Variants in MYH2 observed in about 807,000 individuals in gnomAD.
MYH2 encodes the protein myosin-2.
A neutral mutation model predicts 228.1 loss-of-function variants in MYH2; 139 were observed. The ratio of observed to expected loss-of-function variants is 0.61; its 90% CI spans 0.53 to 0.70. The LOEUF (loss-of-function observed/expected upper bound fraction) is 0.70, where lower values mean the gene tolerates loss of function less well. MYH2 is among the 30% of genes least tolerant of loss of function. The pLI, the probability that MYH2 is intolerant of heterozygous loss-of-function variation, is 0.00. For missense variants in MYH2, 1,809 were observed against 2,357.5 expected (o/e 0.77, Z 4.82); for synonymous variants, 796 against 871.1 (o/e 0.91, Z 1.52).
intron 5 of MYH2, among the ~76,000 whole-genome samples, 196 bp from the exon 6 acceptor site, chr17:10,544,323 T>C (rs2073598090): frequency 6.6e-6 from 1 of 152,166 alleles, no homozygotes; most frequent in Non-Finnish European, 1.5e-5. Flanking sequence ...CACCACTACT[T>C]TTATTGGTTT....
At position 10,537,757 on chromosome 17, in the gene MYH2, G is replaced by A. The variant is rs770838005; in HGVS notation, c.1495C>T (p.Leu499=). 6.8e-6 allele frequency: 11 copies of A among 1,614,168 alleles called. No individual in the cohort carries two copies. Among genetic ancestry groups the A allele is most frequent in the Non-Finnish European group, 9.3e-6 (11 of 1,180,040 alleles). The stretch of plus-strand genomic sequence containing the variant: ...TCCTTCTTGTACTCCTCCTGCTCCA[G>A]CACGAACATGTGGTGGTTGAAAAAC... ...QQFFNHHMFV[L]EQEEYKKEGI... The change falls in exon 15 of 40, where the codon CTG becomes TTG. Residue 499 remains leucine, a synonymous_variant. Coordinates refer to ENST00000245503, the MANE Select transcript of MYH2 (RefSeq NM_017534.6). The surrounding 1 kb of genome is among the most constrained non-coding windows in gnomAD (Gnocchi z 4.0).
chr17:10,533,144 G>T, intron 21 of MYH2, 141 bp downstream of exon 21: 1 of 1,262,750 alleles, frequency 7.9e-7, no homozygotes. Flanking sequence ...TAAGTTTTCT[G>T]GTACATGTGT....
Position 10,537,665 on chromosome 17 carries a change from C to G in MYH2, c.1587G>C (p.Lys529Asn). Residue 529 changes from lysine to asparagine, a missense_variant and splice_region_variant, in exon 15 of 40, where the codon AAG becomes AAC. Transcript: ENST00000245503. The surrounding 1 kb of genome is among the most constrained non-coding windows in gnomAD (Gnocchi z 4.0). The stretch of plus-strand genomic sequence containing the variant: ...ATGGTTTCAGAAATGCAAAACCAAC[C>G]TTCTCGATGAGCTCGATGCAGGCAG... ...DLAACIELIE[K>N]PMGIFSILEE... The G allele has an allele frequency of 6.2e-7, 1 of 1,614,142 alleles. No homozygotes were observed. Among genetic ancestry groups the G allele is most frequent in the Non-Finnish European group, 8.5e-7 (1 of 1,180,022 alleles).
At chr17:10,530,428 G>A (rs183697255) in intron 22 of MYH2, among the ~76,000 whole-genome samples, 2 of 152,356 alleles carry the variant, frequency 1.3e-5, no homozygotes, top group East Asian at 3.9e-4. Context: ...GGCCTTGAGA[G>A]AGGGGTAGGA....
intron 17 of MYH2, among the ~76,000 whole-genome samples, chr17:10,536,288 AC>A (rs985264000): frequency 2.0e-5 from 3 of 152,288 alleles, no homozygotes. Flanking sequence ...GTAACCCAAC[AC>A]CACCTGTTCC....
intron 2 of MYH2, 65 bp from the exon 3 acceptor site, chr17:10,548,005 A>G: frequency 7.4e-7 from 1 of 1,357,956 alleles, no homozygotes. Context: ...AAATCTTAAT[A>G]TTTATTGTAT....
chr17:10,531,759 G>T lies in MYH2; in HGVS notation c.2571C>A (p.Thr857=). ...KSAETEKEMA[T]MKEEFQKIKD... ...TAATTTTCTGAAATTCTTCCTTCAT[G>T]GTGGCCATCTCCTTCTCAGTTTCTG... The change falls in exon 22 of 40, where the codon ACC becomes ACA. Residue 857 remains threonine, a synonymous_variant. Transcript: ENST00000245503. The T allele has an allele frequency of 1.9e-6, 3 of 1,614,080 alleles. No individual in the cohort carries two copies. The highest frequency in any genetic ancestry group is 2.5e-6 in the Non-Finnish European group (3 of 1,180,026).
chr17:10,525,053 G>T lies in MYH2; in HGVS notation c.4675C>A (p.His1559Asn). 1 of 1,614,080 alleles carries T rather than the reference G, an allele frequency of 6.2e-7. No homozygotes were observed. The highest frequency in any genetic ancestry group is 8.5e-7 in the Non-Finnish European group (1 of 1,180,016). ...ALEEAEASLE[H>N]EEGKILRIQL... The stretch of plus-strand genomic sequence containing the variant: ...ATGCGCAGGATCTTTCCCTCTTCAT[G>T]TTCAAGAGATGCCTTAATGACAGCA... The change falls in exon 34 of 40, where the codon CAT becomes AAT. Residue 1559 changes from histidine to asparagine, a missense_variant. By Grantham distance (68) the His-to-Asn change is moderately conservative. This residue lies in a region of MYH2 where 636 missense variants were observed against 729.9 expected (regional missense o/e 0.87). Transcript: ENST00000245503. This position sits in a 1 kb window ranked among gnomAD's most constrained non-coding sequence, Gnocchi z 4.2.
intron 3 of MYH2, 34 bp from the exon 4 acceptor site, chr17:10,547,652 T>G (rs771151947): frequency 6.2e-7 from 1 of 1,614,158 alleles, no homozygotes; most frequent in East Asian, 2.2e-5. Flanking sequence ...TTTACATTAA[T>G]TGAGTGACCA....
At chr17:10,546,579 A>C (rs2073637055) in intron 4 of MYH2, among the ~76,000 whole-genome samples, 1 of 152,010 alleles carries the variant, frequency 6.6e-6, no homozygotes, top group Non-Finnish European at 1.5e-5. Context: ...TATGTAGGAG[A>C]CAGTCATGTA....
chr17:10,537,704 G>C lies in MYH2; in HGVS notation c.1548C>G (p.Phe516Leu). 6.2e-7 allele frequency: 1 copy of C among 1,614,140 alleles called. No individual in the cohort carries two copies. The highest frequency in any genetic ancestry group is 8.5e-7 in the Non-Finnish European group (1 of 1,180,016). Residue 516 changes from phenylalanine to leucine, a missense_variant, in exon 15 of 40, where the codon TTC (phenylalanine) becomes TTG (leucine). Physicochemically the swap from Phe to Leu is conservative, Grantham distance 22. Around this residue, in one of 9 missense-constraint regions of MYH2, gnomAD observed 373 missense variants for 620.4 expected, o/e 0.60. Transcript: ENST00000245503. This position sits in a 1 kb window ranked among gnomAD's most constrained non-coding sequence, Gnocchi z 4.0. ...KEGIEWTFID[F>L]GMDLAACIEL... ...CGATGCAGGCAGCCAGGTCCATCCC[G>C]AAGTCGATGAACGTCCACTCGATGC...
intron 36 of MYH2, 32 bp from the exon 37 acceptor site, chr17:10,523,698 A>C (rs1477612654): frequency 2.5e-6 from 4 of 1,614,160 alleles, no homozygotes; most frequent in Non-Finnish European, 3.4e-6. Flanking sequence ...AAAACCAAGA[A>C]AGTTATAGAT....
chr17:10,524,877 G>T lies in MYH2; in HGVS notation c.4851C>A (p.Ala1617=). ...CCTCCATCTTCTTCTTGAGCCTAAT[G>T]GCATCATTCCTACTCCTGATCTCAG... ...LDAEIRSRND[A]IRLKKKMEGD... The change falls in exon 34 of 40, where the codon GCC becomes GCA. Residue 1617 remains alanine (A), a synonymous_variant. Coordinates refer to ENST00000245503, the MANE Select transcript of MYH2 (RefSeq NM_017534.6). This position sits in a 1 kb window ranked among gnomAD's most constrained non-coding sequence, Gnocchi z 4.7. 6.2e-7 allele frequency: 1 copy of T among 1,614,014 alleles called. No individual in the cohort carries two copies. Among genetic ancestry groups the T allele is most frequent in the African/African-American group, 1.3e-5 (1 of 74,964 alleles).
Position 10,525,601 on chromosome 17 carries a change from T to A in MYH2, c.4387A>T (p.Lys1463Ter). The change falls in exon 32 of 40, where the codon AAA (lysine) becomes TAA (stop). Residue 1463 changes from lysine to a stop codon, truncating the protein, a stop_gained. Transcript: ENST00000245503. LOFTEE classifies it high-confidence loss of function. The surrounding 1 kb of genome is among the most constrained non-coding windows in gnomAD (Gnocchi z 4.2). ...RNFDKILAEWKQKCEETHAEL... is the reference protein window; with the variant it reads ...RNFDKILAEW Reference sequence around the variant, plus strand: ...GCATGCGTTTCCTCACATTTCTGTTTCCATTCTGCCAGGATCTGAAAAACC... The same window carrying A: ...GCATGCGTTTCCTCACATTTCTGTTACCATTCTGCCAGGATCTGAAAAACC... 6.2e-7 allele frequency: 1 copy of A among 1,614,208 alleles called. No individual in the cohort carries two copies. The highest frequency in any genetic ancestry group is 8.5e-7 in the Non-Finnish European group (1 of 1,180,034).
At chr17:10,533,684 C>T (rs2073451179) in intron 19 of MYH2, 52 bp from the exon 20 acceptor site, 1 of 1,586,714 alleles carries the variant, frequency 6.3e-7, no homozygotes, top group Non-Finnish European at 8.6e-7. Context: ...GACACAAATG[C>T]TAGCTAAACA....
intron 22 of MYH2, among the ~76,000 whole-genome samples, chr17:10,531,110 G>C (rs967200928): frequency 1.3e-5 from 2 of 152,200 alleles, no homozygotes; most frequent in Non-Finnish European, 2.9e-5. Flanking sequence ...GGTGTGACAT[G>C]ATGGGACACT....
intron 4 of MYH2, among the ~76,000 whole-genome samples, chr17:10,546,256 G>GATGTAT (rs2073627859): frequency 1.5e-5 from 1 of 66,102 alleles, no homozygotes; most frequent in Non-Finnish European, 2.5e-5. Context: ...GACACGAAAT[G>GATGTAT]ATATATATAT....
intron 9 of MYH2, 42 bp from the exon 10 acceptor site, chr17:10,543,015 C>A: frequency 6.3e-7 from 1 of 1,589,976 alleles, no homozygotes; most frequent in South Asian, 1.1e-5. Flanking sequence ...TGTAAAAATT[C>A]ATGTGACATG....
At chr17:10,533,886 G>T (rs868526564) in intron 19 of MYH2, among the ~76,000 whole-genome samples, 3 of 152,118 alleles carry the variant, frequency 2.0e-5, no homozygotes, top group Non-Finnish European at 4.4e-5. Context: ...CCTTAAGAAA[G>T]GGACACATTA....
Sources: allele counts gnomAD v4.1 joint callset (sites outside exome capture counted in the v4.1 genomes callset), GRCh38; gene constraint gnomAD v4.1.1; regional missense constraint gnomAD v4.1.1; non-coding constraint Gnocchi (gnomAD v3.1); transcripts MANE v1.5; gene names NCBI Gene and HGNC (gene_info 2026-07-23, HGNC 2026-07-21).